LDLRAD3: variants seen among roughly 807,000 people sequenced by gnomAD.
The protein encoded by LDLRAD3 is low-density lipoprotein receptor class A domain-containing protein 3.
In LDLRAD3, 20 loss-of-function variants were observed where a neutral mutation model predicts 29.4. That is an observed-to-expected ratio of 0.68 (90% CI 0.48 to 0.99). The LOEUF (loss-of-function observed/expected upper bound fraction) is 0.99. LDLRAD3 is among the 50% of genes least tolerant of loss of function. The pLI is 0.00. For missense variants in LDLRAD3, 420 were observed against 454.3 expected, an observed-to-expected ratio of 0.92 and a Z score of 0.69; for synonymous variants, 157 against 192.7, an observed-to-expected ratio of 0.81 and a Z score of 1.53.
intron 4 of LDLRAD3, among the ~76,000 whole-genome samples, chr11:36,165,972 C>T (rs763595656): frequency 1.7e-5 from 2 of 116,686 alleles, no homozygotes; most frequent in African/African-American, 8.2e-5. Flanking sequence ...CTCCCTCCCT[C>T]CCTCCCTTCC....
intron 4 of LDLRAD3, among the ~76,000 whole-genome samples, chr11:36,139,147 G>A (rs930182508): frequency 5.3e-5 from 8 of 152,118 alleles, no homozygotes; most frequent in African/African-American, 1.7e-4. Context: ...CAAACTCTTT[G>A]TTGCATTATA....
intron 1 of LDLRAD3, among the ~76,000 whole-genome samples, chr11:35,986,933 A>T (rs1851622423): frequency 6.6e-6 from 1 of 152,206 alleles, no homozygotes; most frequent in South Asian, 2.1e-4. Context: ...GAGCTCTTCA[A>T]AGTCAAGGGC....
intron 1 of LDLRAD3, among the ~76,000 whole-genome samples, chr11:35,952,634 A>C (rs901776618): frequency 6.6e-6 from 1 of 152,216 alleles, no homozygotes; most frequent in African/African-American, 2.4e-5. Flanking sequence ...CTTTATGGGA[A>C]TATTTTGTTG....
At chr11:36,000,271 G>GTA (rs141303785) in intron 1 of LDLRAD3, among the ~76,000 whole-genome samples, 2,511 of 148,650 alleles carry the variant, frequency 0.017, 68 homozygotes, top group African/African-American at 0.056. Flanking sequence ...TGTAATATAT[G>GTA]TATATATAAT....
intron 1 of LDLRAD3, among the ~76,000 whole-genome samples, chr11:35,948,355 G>A (rs1216523254): frequency 6.6e-6 from 1 of 151,916 alleles, no homozygotes; most frequent in East Asian, 1.9e-4. Flanking sequence ...GGAAATGCTT[G>A]GACCATTCTA....
At chr11:36,190,072 G>T (rs377508829) in intron 4 of LDLRAD3, among the ~76,000 whole-genome samples, 10 of 143,002 alleles carry the variant, frequency 7.0e-5, no homozygotes, top group South Asian at 2.4e-4. Context: ...CTAGGGGGAG[G>T]GGGGAGGGGA....
chr11:36,146,520 TA>T (rs1205374917), intron 4 of LDLRAD3, among the ~76,000 whole-genome samples: 2 of 152,154 alleles, frequency 1.3e-5, no homozygotes, highest in Non-Finnish European at 2.9e-5. Flanking sequence ...TTTGGTGGCT[TA>T]AAAAAACAGA....
rs566262635 is a variant in LDLRAD3, at chr11:35,980,312, C to T, written c.46+36168C>T. Among the ~76,000 whole-genome samples the T allele has an allele frequency of 2.3e-4, 35 of 152,256 alleles. No individual in the cohort carries two copies. In the South Asian group the frequency reaches 7.3e-3, roughly 32 times the overall value. Reference sequence around the variant, plus strand: ...GCTGGCATTTTCCCCTTCCTTGATACCATTGGCTTTATTGGGATGGGCGTT... The same window carrying T: ...GCTGGCATTTTCCCCTTCCTTGATATCATTGGCTTTATTGGGATGGGCGTT... On this transcript the variant is annotated intron_variant, in intron 1 of 5. Transcript: ENST00000315571.
chr11:36,109,224 C>T (rs1299775746), intron 4 of LDLRAD3, among the ~76,000 whole-genome samples: 3 of 152,086 alleles, frequency 2.0e-5, no homozygotes, highest in East Asian at 1.9e-4. Context: ...GAATCTTTGT[C>T]ATGGACGGGG....
intron 1 of LDLRAD3, among the ~76,000 whole-genome samples, chr11:36,032,401 T>C (rs561463230): frequency 6.6e-5 from 10 of 151,758 alleles, no homozygotes; most frequent in African/African-American, 2.2e-4. Flanking sequence ...ATGGCCAGAG[T>C]TTTAGATTTA....
At position 36,063,993 on chromosome 11, in the gene LDLRAD3, C is replaced by G. The variant is rs940655018; in HGVS notation, c.194-17660C>G. On this transcript the variant is annotated intron_variant, in intron 2 of 5. Coordinates refer to ENST00000315571, the MANE Select transcript of LDLRAD3 (RefSeq NM_174902.4). ...TAAGGGTTCCATAGACTCTGTGGATCAATTTGGGGAGTATTGCCATCTTAC... is the reference window on the plus strand; with the variant it reads ...TAAGGGTTCCATAGACTCTGTGGATGAATTTGGGGAGTATTGCCATCTTAC... Among the ~76,000 whole-genome samples, 13 of 152,272 alleles carry G rather than the reference C, an allele frequency of 8.5e-5. No individual in the cohort carries two copies. In the East Asian group the frequency reaches 1.9e-3, roughly 23 times the overall value.
At chr11:36,204,085 C>T (rs565667972) in intron 4 of LDLRAD3, among the ~76,000 whole-genome samples, 3 of 151,930 alleles carry the variant, frequency 2.0e-5, no homozygotes, top group South Asian at 2.1e-4. Flanking sequence ...AACCTTTTGC[C>T]AAGTGAAGCA....
intron 4 of LDLRAD3, among the ~76,000 whole-genome samples, chr11:36,133,373 CTTTTCTTTTCTTTTCTTTTCTTT>C: frequency 2.9e-5 from 1 of 35,022 alleles, no homozygotes; most frequent in Non-Finnish European, 8.0e-5. Flanking sequence ...CTTTTCTTTT[CTTTTCTTTTCTTTTCTTTTCTTT>C]TGGAAAAAAC....
intron 4 of LDLRAD3, among the ~76,000 whole-genome samples, chr11:36,103,199 T>C (rs986746695): frequency 6.6e-6 from 1 of 151,548 alleles, no homozygotes; most frequent in Non-Finnish European, 1.5e-5. Context: ...TTGGTAACTC[T>C]AGGTACCTCA....
intron 2 of LDLRAD3, among the ~76,000 whole-genome samples, chr11:36,074,483 A>G (rs1419267178): frequency 1.3e-5 from 2 of 152,240 alleles, no homozygotes; most frequent in Admixed American, 6.5e-5. Flanking sequence ...AGGTGGGAAT[A>G]TGCTGGCTGG....
chr11:36,123,300 A>T (rs1353374234), intron 4 of LDLRAD3, among the ~76,000 whole-genome samples: 1 of 152,242 alleles, frequency 6.6e-6, no homozygotes, highest in African/African-American at 2.4e-5. Context: ...TGATGTGTGC[A>T]ACACAAGAGT....
Position 36,231,068 on chromosome 11 carries a change from T to G in LDLRAD3, c.*1671T>G, listed in dbSNP as rs879141938. The G allele has an allele frequency of 1.3e-5, 2 of 152,576 alleles. No individual in the cohort carries two copies. The highest frequency in any genetic ancestry group is 1.3e-4 in the Admixed American group (2 of 15,280). 9.5% of individuals were successfully genotyped at this position (152,576 alleles called of 1,614,324 possible). A position where few individuals can be genotyped will look rare whatever the true frequency, so the allele number is the denominator to read the frequency against. ...CCACACTGACTGATGAGGGGTAAAA[T>G]GGAACCAGGTAGAGCCACTCCGGGC... On this transcript the variant is annotated 3_prime_UTR_variant, in exon 6 of 6. Transcript: ENST00000315571.
chr11:35,949,484 T>A (rs1851103626), intron 1 of LDLRAD3, among the ~76,000 whole-genome samples: 1 of 152,160 alleles, frequency 6.6e-6, no homozygotes, highest in African/African-American at 2.4e-5. Context: ...GGGCTCCCCT[T>A]TCCCTCCCCA....
At chr11:36,000,259 A>C (rs566744581) in intron 1 of LDLRAD3, among the ~76,000 whole-genome samples, 1 of 148,942 alleles carries the variant, frequency 6.7e-6, no homozygotes, top group East Asian at 1.9e-4. Flanking sequence ...TATACTATAT[A>C]GTGTAATATA....
Sources: allele counts gnomAD v4.1 joint callset (sites outside exome capture counted in the v4.1 genomes callset), GRCh38; gene constraint gnomAD v4.1.1; transcripts MANE v1.5; gene names NCBI Gene and HGNC (gene_info 2026-07-23, HGNC 2026-07-21).